Variants in SHISA9 observed in about 807,000 individuals in gnomAD.
SHISA9 encodes shisa family member 9, also known as protein shisa-9.
Under a neutral mutation model 38.0 loss-of-function variants are expected in SHISA9, and 13 were observed. That is an observed-to-expected ratio of 0.34 (90% CI 0.22 to 0.54). The LOEUF is 0.54. Among genes scored for constraint, SHISA9 ranks in the 20% least tolerant of loss-of-function variants. SHISA9 has a pLI of 0.91. For synonymous variants in SHISA9, 275 were observed against 242.0 expected (o/e 1.14, Z -1.27); for missense variants, 538 against 575.8 (o/e 0.93, Z 0.67).
At chr16:13,383,832 A>G in the SHISA9 span, among the ~76,000 whole-genome samples, 1 of 151,910 alleles carries the variant, frequency 6.6e-6, no homozygotes, top group East Asian at 1.9e-4. Flanking sequence ...GTGTGTTGGT[A>G]GAGGTAGAGA....
chr16:13,280,594 G>C, the SHISA9 span, among the ~76,000 whole-genome samples: 1 of 151,656 alleles, frequency 6.6e-6, no homozygotes, highest in African/African-American at 2.4e-5. Flanking sequence ...CACATCTCAA[G>C]AATGTTCTAG....
the SHISA9 span, among the ~76,000 whole-genome samples, chr16:13,555,355 A>G: frequency 6.6e-6 from 1 of 152,198 alleles, no homozygotes; most frequent in Non-Finnish European, 1.5e-5. Context: ...TTTGATAATG[A>G]ATAAAGATGG....
At chr16:13,538,797 C>A in the SHISA9 span, among the ~76,000 whole-genome samples, 1 of 152,166 alleles carries the variant, frequency 6.6e-6, no homozygotes, top group Non-Finnish European at 1.5e-5. Context: ...AATTATGAGG[C>A]ATCAATTCTC....
chr16:13,444,441 G>C, the SHISA9 span, among the ~76,000 whole-genome samples: 1 of 146,696 alleles, frequency 6.8e-6, no homozygotes, highest in African/African-American at 2.5e-5. Flanking sequence ...GGAAGGAAGG[G>C]AGGAAACAAG....
At chr16:13,382,561 A>G in the SHISA9 span, among the ~76,000 whole-genome samples, 1 of 150,546 alleles carries the variant, frequency 6.6e-6, no homozygotes, top group African/African-American at 2.4e-5. Context: ...AAAGAAAAGA[A>G]AAAAAACAGG....
chr16:13,122,083 G>A (rs1031960819), intron 2 of SHISA9, among the ~76,000 whole-genome samples: 3 of 152,314 alleles, frequency 2.0e-5, no homozygotes, highest in East Asian at 1.9e-4. Context: ...CATTGCAGGA[G>A]TCCATTGAGT....
intron 2 of SHISA9, among the ~76,000 whole-genome samples, chr16:12,981,403 C>G (rs1332865938): frequency 6.6e-6 from 1 of 152,246 alleles, no homozygotes; most frequent in African/African-American, 2.4e-5. Context: ...TTCAACCCTT[C>G]TAATCCCCCA....
chr16:12,916,386 G>T (rs1470927559), intron 1 of SHISA9, among the ~76,000 whole-genome samples: 1 of 152,244 alleles, frequency 6.6e-6, no homozygotes, highest in Non-Finnish European at 1.5e-5. Flanking sequence ...TAAATCTATG[G>T]AGTGCAGACA....
chr16:13,467,220 T>C, the SHISA9 span, among the ~76,000 whole-genome samples: 1 of 152,078 alleles, frequency 6.6e-6, no homozygotes, highest in African/African-American at 2.4e-5. Context: ...AGAGGAAGAC[T>C]CGCCTTCTAT....
At chr16:12,918,916 T>A (rs777032615) in intron 2 of SHISA9, among the ~76,000 whole-genome samples, 16 of 152,258 alleles carry the variant, frequency 1.1e-4, no homozygotes, top group Non-Finnish European at 2.2e-4. Flanking sequence ...ATAAGAAGAA[T>A]GTGACCTTTT....
chr16:13,531,791 A>G, the SHISA9 span, among the ~76,000 whole-genome samples: 2 of 152,002 alleles, frequency 1.3e-5, no homozygotes, highest in Non-Finnish European at 2.9e-5. Context: ...GGCAGGGAAT[A>G]CTCACCTCTT....
the SHISA9 span, among the ~76,000 whole-genome samples, chr16:13,333,488 T>G: frequency 1.3e-5 from 2 of 152,176 alleles, no homozygotes; most frequent in African/African-American, 4.8e-5. Flanking sequence ...TTCATGGCTG[T>G]CTGTTTTGGT....
At chr16:13,319,548 C>T in the SHISA9 span, among the ~76,000 whole-genome samples, 1 of 152,242 alleles carries the variant, frequency 6.6e-6, no homozygotes, top group Non-Finnish European at 1.5e-5. Context: ...ACCTCCAAGG[C>T]TGTGGCTGGA....
rs1323791200 is a variant in SHISA9, at chr16:13,046,277, T to A, written c.691+129462T>A. On this transcript the variant is annotated intron_variant, in intron 2 of 4. Coordinates refer to ENST00000558583, the MANE Select transcript of SHISA9 (RefSeq NM_001145204.3). Reference sequence around the variant, plus strand: ...GGAGGCTGTATTTTCTGAACCTAAATTTAGGTCCTATATGAGCTGACAAGG... The same window carrying A: ...GGAGGCTGTATTTTCTGAACCTAAAATTAGGTCCTATATGAGCTGACAAGG... Among the ~76,000 whole-genome samples, 3 of 152,178 alleles carry A rather than the reference T, an allele frequency of 2.0e-5. No individual in the cohort carries two copies. The East Asian group carries it at 5.8e-4, about 29-fold the overall frequency.
intron 2 of SHISA9, among the ~76,000 whole-genome samples, chr16:13,079,397 A>G (rs2073621779): frequency 6.6e-6 from 1 of 152,174 alleles, no homozygotes; most frequent in African/African-American, 2.4e-5. Context: ...AGCTTTTACT[A>G]TATATGATTG....
intron 2 of SHISA9, among the ~76,000 whole-genome samples, chr16:13,061,393 G>A (rs890461712): frequency 6.6e-6 from 1 of 152,008 alleles, no homozygotes; most frequent in African/African-American, 2.4e-5. Flanking sequence ...CCTTTTTTTG[G>A]TTGTTATTGT....
the SHISA9 span, among the ~76,000 whole-genome samples, chr16:13,318,851 A>G: frequency 1.2e-3 from 183 of 152,314 alleles, no homozygotes; most frequent in African/African-American, 3.8e-3. Flanking sequence ...AAACTACAAA[A>G]CACACTTCAA....
chr16:13,553,513 G>A, the SHISA9 span, among the ~76,000 whole-genome samples: 2 of 152,122 alleles, frequency 1.3e-5, no homozygotes, highest in Non-Finnish European at 2.9e-5. Context: ...TTGTGTCCAT[G>A]TGACTTAAAG....
At chr16:13,263,770 G>T in the SHISA9 span, among the ~76,000 whole-genome samples, 2 of 152,086 alleles carry the variant, frequency 1.3e-5, no homozygotes, top group Admixed American at 1.3e-4. Flanking sequence ...GTTTTATTGT[G>T]TAGTATAGTT....
Sources: allele counts gnomAD v4.1 joint callset (sites outside exome capture counted in the v4.1 genomes callset), GRCh38; gene constraint gnomAD v4.1.1; transcripts MANE v1.5; gene names NCBI Gene and HGNC (gene_info 2026-07-23, HGNC 2026-07-21).